The following CACNB4 variants were observed in gnomAD, a reference collection of about 807,000 sequenced individuals.
The protein encoded by CACNB4 is voltage-dependent L-type calcium channel subunit beta-4.
CACNB4 carries 32 observed loss-of-function variants against 71.2 expected under a neutral mutation model. That is an observed-to-expected ratio of 0.45 (90% CI 0.34 to 0.60). The LOEUF is 0.60. Ranked by LOEUF, CACNB4 falls within the 20% of genes least tolerant of loss-of-function variation. CACNB4 has a pLI of 0.01. For missense variants in CACNB4, 464 were observed against 647.9 expected, an observed-to-expected ratio of 0.72 and a Z score of 3.08; for synonymous variants, 231 against 236.9, an observed-to-expected ratio of 0.97 and a Z score of 0.23.
chr2:151,966,077 A>C (rs2099871025), intron 2 of CACNB4, among the ~76,000 whole-genome samples: 1 of 152,220 alleles, frequency 6.6e-6, no homozygotes, highest in South Asian at 2.1e-4. Context: ...TTAATTGAAG[A>C]AACTGCTTAT....
At position 151,836,854 on chromosome 2, in the gene CACNB4, C is replaced by G. The variant is rs1486284737; in HGVS notation, c.*2265G>C. 2.0e-5 allele frequency: 3 copies of G among 151,950 alleles called. No homozygotes were observed. The highest frequency in any genetic ancestry group is 6.6e-5 in the Admixed American group (1 of 15,250). 9.4% of individuals were successfully genotyped at this position (151,950 alleles called of 1,614,324 possible). A position where few individuals can be genotyped will look rare whatever the true frequency, so the allele number is the denominator to read the frequency against. On this transcript the variant is annotated 3_prime_UTR_variant, in exon 14 of 14. Transcript: ENST00000539935. ...TAAGTATCTTAAAGTAGTTAAATGACCAAACTGCTAATGCTACTACAGAAA... is the reference window on the plus strand; with the variant it reads ...TAAGTATCTTAAAGTAGTTAAATGAGCAAACTGCTAATGCTACTACAGAAA...
At chr2:151,922,623 T>G (rs574731835) in intron 2 of CACNB4, among the ~76,000 whole-genome samples, 18 of 152,330 alleles carry the variant, frequency 1.2e-4, no homozygotes, top group African/African-American at 3.8e-4. Context: ...TTAGATGAAA[T>G]TTGCCCTGTG....
At chr2:152,063,598 A>G (rs1166466872) in intron 2 of CACNB4, among the ~76,000 whole-genome samples, 1 of 152,206 alleles carries the variant, frequency 6.6e-6, no homozygotes, top group Non-Finnish European at 1.5e-5. Context: ...TTGAGGTTTG[A>G]AGAGTTTTCT....
intron 2 of CACNB4, among the ~76,000 whole-genome samples, chr2:152,008,560 A>G (rs1349465159): frequency 6.6e-6 from 1 of 152,048 alleles, no homozygotes; most frequent in East Asian, 1.9e-4. Flanking sequence ...TTGGCCTCCC[A>G]AAGTGCCGGG....
chr2:151,849,135 T>C (rs1161053540), intron 12 of CACNB4, among the ~76,000 whole-genome samples: 1 of 152,216 alleles, frequency 6.6e-6, no homozygotes, highest in Non-Finnish European at 1.5e-5. Context: ...AGTAGAACTA[T>C]CCAGTAGCCC....
In CACNB4 at chr2:151,869,170, T is replaced by G. The variant is rs1487985510; in HGVS notation, c.758+7A>C. The G allele has an allele frequency of 4.0e-6, 6 of 1,505,668 alleles. No homozygotes were observed. Among genetic ancestry groups the G allele is most frequent in the Non-Finnish European group, 5.5e-6 (6 of 1,099,426 alleles). The allele number at this position is 1,505,668 out of a possible 1,614,324, so 93.3% of individuals were successfully genotyped here. A position where few individuals can be genotyped will look rare whatever the true frequency, so the allele number is the denominator to read the frequency against. ...AATAAAAATACAAAAACATCTATAT[T>G]TCTCACCTCCCATCAAACCTGTGCT... On this transcript the variant is annotated splice_region_variant and intron_variant, in intron 9 of 13. Transcript: ENST00000539935.
intron 2 of CACNB4, among the ~76,000 whole-genome samples, chr2:151,920,194 A>G (rs181885469): frequency 6.6e-6 from 1 of 152,204 alleles, no homozygotes; most frequent in Admixed American, 6.5e-5. Flanking sequence ...TTCTATTTCT[A>G]TTGTAATAGG....
chr2:151,947,919 G>A (rs2099865991), intron 2 of CACNB4, among the ~76,000 whole-genome samples: 1 of 152,236 alleles, frequency 6.6e-6, no homozygotes, highest in Non-Finnish European at 1.5e-5. Context: ...ATGGCATACT[G>A]AGGAGTCTTG....
intron 12 of CACNB4, among the ~76,000 whole-genome samples, chr2:151,845,750 C>G (rs971507937): frequency 2.0e-5 from 3 of 152,138 alleles, no homozygotes; most frequent in Admixed American, 6.6e-5. Context: ...CAAAGCATGG[C>G]CACAGGGAAC....
At chr2:151,923,619 AT>A (rs1445000752) in intron 2 of CACNB4, among the ~76,000 whole-genome samples, 1 of 152,204 alleles carries the variant, frequency 6.6e-6, no homozygotes, top group Non-Finnish European at 1.5e-5. Context: ...TGGCCAGATA[AT>A]TTCAGACTGG....
intron 2 of CACNB4, among the ~76,000 whole-genome samples, chr2:151,960,252 AC>A (rs1425418974): frequency 6.6e-6 from 1 of 152,138 alleles, no homozygotes; most frequent in Non-Finnish European, 1.5e-5. Flanking sequence ...AAACATCTGA[AC>A]CTTAGAATCT....
rs1437478238 is a variant in CACNB4, at chr2:151,834,998, GT to G, written c.*4120del. Reference sequence around the variant, plus strand: ...CATTTATTTGAAACATTGATATGAAGTTTATTCCAATTACATGGGAGTCCAA... The same window carrying G: ...CATTTATTTGAAACATTGATATGAAGTTATTCCAATTACATGGGAGTCCAA... On this transcript the variant is annotated 3_prime_UTR_variant, in exon 14 of 14. Transcript: ENST00000539935. 1 of 151,928 alleles carries G rather than the reference GT, an allele frequency of 6.6e-6. No homozygotes were observed. The highest frequency in any genetic ancestry group is 1.5e-5 in the Non-Finnish European group (1 of 67,820). The allele number at this position is 151,928 out of a possible 1,614,324, so 9.4% of individuals were successfully genotyped here.
intron 2 of CACNB4, among the ~76,000 whole-genome samples, chr2:152,014,704 C>T (rs1446579764): frequency 6.6e-6 from 1 of 150,832 alleles, no homozygotes; most frequent in African/African-American, 2.4e-5. Flanking sequence ...GCACTCCAGC[C>T]TGGGTGACAG....
intron 2 of CACNB4, among the ~76,000 whole-genome samples, chr2:152,089,669 T>C (rs1687859016): frequency 6.6e-6 from 1 of 152,112 alleles, no homozygotes; most frequent in South Asian, 2.1e-4. Context: ...CAGTGGCTCA[T>C]GCCTGTAATC....
At chr2:152,074,409 C>T (rs1686879716) in intron 2 of CACNB4, among the ~76,000 whole-genome samples, 2 of 151,526 alleles carry the variant, frequency 1.3e-5, no homozygotes, top group Non-Finnish European at 2.9e-5. Flanking sequence ...CCATCATCAC[C>T]ACCAGCAGCA....
chr2:151,965,108 G>A (rs1460943643), intron 2 of CACNB4, among the ~76,000 whole-genome samples: 1 of 152,168 alleles, frequency 6.6e-6, no homozygotes, highest in East Asian at 1.9e-4. Context: ...TAATCTCCAG[G>A]ACATCATTTG....
chr2:151,904,057 T>C (rs534133774), intron 2 of CACNB4, among the ~76,000 whole-genome samples: 1 of 152,302 alleles, frequency 6.6e-6, no homozygotes, highest in African/African-American at 2.4e-5. Flanking sequence ...ATGTATGGCA[T>C]TTTCCTAGAC....
At chr2:151,874,825 T>C (rs2099845540) in intron 5 of CACNB4, 1 of 395,572 alleles carries the variant, frequency 2.5e-6, no homozygotes, top group African/African-American at 2.1e-5. Context: ...TTGGTTTCTC[T>C]TCTGTCAAGC....
chr2:152,014,422 C>T (rs530710904), intron 2 of CACNB4, among the ~76,000 whole-genome samples: 63 of 152,090 alleles, frequency 4.1e-4, no homozygotes, highest in African/African-American at 1.4e-3. Flanking sequence ...AGATAATTTG[C>T]GTAGAATCTA....
Sources: gnomAD v4.1 joint callset for allele counts (sites outside exome capture counted in the v4.1 genomes callset) on GRCh38, gnomAD v4.1.1 for gene constraint, MANE v1.5 for transcripts, NCBI Gene and HGNC (gene_info 2026-07-23, HGNC 2026-07-21) for gene names.